The following GABRG1 variants were observed in gnomAD, a reference collection of about 807,000 sequenced individuals.
The protein encoded by GABRG1 is gamma-aminobutyric acid type A receptor subunit gamma1, also known as gamma-aminobutyric acid receptor subunit gamma-1.
GABRG1 carries 49 observed loss-of-function variants against 49.8 expected under a neutral mutation model. That is an observed-to-expected ratio of 0.98 (90% CI 0.78 to 1.25). GABRG1 has a LOEUF of 1.25. Among genes scored for constraint, GABRG1 ranks in the 50% most tolerant of loss-of-function variants. GABRG1 has a pLI of 0.00. For missense variants in GABRG1, 552 were observed against 552.3 expected (o/e 1.00, Z 0.01); for synonymous variants, 232 against 185.1 (o/e 1.25, Z -2.06).
rs553375630 is a variant in GABRG1, at chr4:46,122,751, G to C, written c.104+1059C>G. The stretch of plus-strand genomic sequence containing the variant: ...TAGCAGTGATACAAATAGTTATAAA[G>C]GCATGTTTCTATCTTCATAATGATT... On this transcript the variant is annotated intron_variant, in intron 1 of 8. Coordinates refer to ENST00000295452, the MANE Select transcript of GABRG1 (RefSeq NM_173536.4). Among the ~76,000 whole-genome samples the C allele has an allele frequency of 3.9e-5, 6 of 152,032 alleles. No individual in the cohort carries two copies. The South Asian group carries it at 8.3e-4, about 21-fold the overall frequency.
intron 1 of GABRG1, among the ~76,000 whole-genome samples, chr4:46,108,031 C>G (rs1194296533): frequency 6.6e-6 from 1 of 151,030 alleles, no homozygotes; most frequent in East Asian, 2.0e-4. Flanking sequence ...ACATTCTGCA[C>G]ATTTTAAATA....
At position 46,095,939 on chromosome 4, in the gene GABRG1, C is replaced by T. The variant is rs1237701310; in HGVS notation, c.253+1262G>A. 2.0e-5 allele frequency among the ~76,000 whole-genome samples: 3 copies of T among 151,736 alleles called. No individual in the cohort carries two copies. The East Asian group carries it at 5.8e-4, about 29-fold the overall frequency. ...TCTCACCCAGATATGAAGCCCATTA[C>T]CCAATAGTTATCTTTTTTGCTCCTC... is the stretch of plus-strand genomic sequence containing the variant. On this transcript the variant is annotated intron_variant, in intron 2 of 8. Coordinates refer to ENST00000295452, the MANE Select transcript of GABRG1 (RefSeq NM_173536.4).
At chr4:46,122,196 A>G (rs772053632) in intron 1 of GABRG1, among the ~76,000 whole-genome samples, 6 of 152,070 alleles carry the variant, frequency 3.9e-5, no homozygotes, top group Non-Finnish European at 8.8e-5. Context: ...TCTGGAGCCA[A>G]TTACAATGAT....
chr4:46,073,337 G>C (rs13105290), intron 3 of GABRG1, among the ~76,000 whole-genome samples: 94,760 of 151,716 alleles, frequency 0.62, 31,295 homozygotes, highest in African/African-American at 0.84. Flanking sequence ...CAAGATCATA[G>C]AACGTGTAAG....
intron 2 of GABRG1, among the ~76,000 whole-genome samples, chr4:46,090,203 A>G (rs886170010): frequency 2.0e-5 from 3 of 152,068 alleles, no homozygotes; most frequent in East Asian, 1.9e-4. Flanking sequence ...AGATGCACAG[A>G]AAAAAATGCT....
chr4:46,084,333 T>C (rs1027916321), intron 2 of GABRG1, among the ~76,000 whole-genome samples: 9 of 151,712 alleles, frequency 5.9e-5, no homozygotes, highest in African/African-American at 2.2e-4. Context: ...TTTTTAGTCA[T>C]ACATGCTCAG....
chr4:46,111,844 G>A (rs1720726449), intron 1 of GABRG1, among the ~76,000 whole-genome samples: 1 of 151,248 alleles, frequency 6.6e-6, no homozygotes, highest in Admixed American at 6.6e-5. Context: ...ATTGACTCAT[G>A]ATAGATTAAA....
intron 5 of GABRG1, among the ~76,000 whole-genome samples, chr4:46,062,052 G>A (rs1417493176): frequency 5.6e-5 from 6 of 107,924 alleles, no homozygotes; most frequent in African/African-American, 1.9e-4. Context: ...ACAGTCCCCA[G>A]AGTGTGATGT....
intron 2 of GABRG1, among the ~76,000 whole-genome samples, chr4:46,085,212 G>T (rs1286783940): frequency 6.6e-6 from 1 of 151,216 alleles, no homozygotes; most frequent in African/African-American, 2.4e-5. Flanking sequence ...TTCTTTAGAG[G>T]ATAAATGTTT....
intron 3 of GABRG1, among the ~76,000 whole-genome samples, chr4:46,075,443 G>C (rs752269564): frequency 7.2e-5 from 11 of 151,862 alleles, no homozygotes; most frequent in Non-Finnish European, 1.2e-4. Flanking sequence ...TGATCCTCCC[G>C]CCTCGGCCTC....
At chr4:46,082,048 G>C (rs550394350) in intron 3 of GABRG1, among the ~76,000 whole-genome samples, 1 of 151,798 alleles carries the variant, frequency 6.6e-6, no homozygotes, top group East Asian at 1.9e-4. Context: ...AAAAGCGAAG[G>C]AGAGGAGTAG....
intron 2 of GABRG1, among the ~76,000 whole-genome samples, chr4:46,089,561 G>C (rs1719905529): frequency 6.6e-6 from 1 of 152,106 alleles, no homozygotes; most frequent in Non-Finnish European, 1.5e-5. Context: ...TGTGTCTCAA[G>C]AGAGGATGTC....
intron 1 of GABRG1, among the ~76,000 whole-genome samples, chr4:46,117,341 C>T (rs895266059): frequency 6.7e-6 from 1 of 150,280 alleles, no homozygotes; most frequent in Non-Finnish European, 1.5e-5. Flanking sequence ...TCTCAGAATA[C>T]ATTGTTTCTG....
intron 5 of GABRG1, among the ~76,000 whole-genome samples, chr4:46,061,594 T>C (rs1504500): frequency 0.51 from 76,670 of 151,704 alleles, 19,955 homozygotes; most frequent in African/African-American, 0.63. Flanking sequence ...TGTGAGGATA[T>C]GTATGTTAGT....
intron 5 of GABRG1, among the ~76,000 whole-genome samples, chr4:46,059,171 T>G (rs993789338): frequency 6.6e-6 from 1 of 152,140 alleles, no homozygotes; most frequent in Non-Finnish European, 1.5e-5. Context: ...ACACCGAAAT[T>G]TATCTATTAT....
intron 8 of GABRG1, among the ~76,000 whole-genome samples, chr4:46,046,651 G>A (rs1718009278): frequency 6.6e-6 from 1 of 152,072 alleles, no homozygotes; most frequent in African/African-American, 2.4e-5. Flanking sequence ...AAAAGGAGCT[G>A]TGGGTGAGGA....
At chr4:46,059,537 C>A (rs888074926) in intron 5 of GABRG1, among the ~76,000 whole-genome samples, 1 of 151,900 alleles carries the variant, frequency 6.6e-6, no homozygotes, top group Non-Finnish European at 1.5e-5. Flanking sequence ...TATACAGGTG[C>A]TTGCCAACAC....
intron 3 of GABRG1, among the ~76,000 whole-genome samples, chr4:46,079,339 C>T (rs1298159087): frequency 6.6e-6 from 1 of 151,838 alleles, no homozygotes; most frequent in Non-Finnish European, 1.5e-5. Context: ...GTTCCTCAGC[C>T]CTGTCTCCGT....
intron 2 of GABRG1, among the ~76,000 whole-genome samples, chr4:46,089,686 G>A (rs1321475369): frequency 6.6e-6 from 1 of 152,106 alleles, no homozygotes; most frequent in African/African-American, 2.4e-5. Flanking sequence ...AAATAGGCTA[G>A]GCATGGTGGC....
Sources: allele counts gnomAD v4.1 joint callset (sites outside exome capture counted in the v4.1 genomes callset), GRCh38; gene constraint gnomAD v4.1.1; transcripts MANE v1.5; gene names NCBI Gene and HGNC (gene_info 2026-07-23, HGNC 2026-07-21).